PCDH7: variants seen among roughly 807,000 people sequenced by gnomAD.
PCDH7 encodes the protein protocadherin-7.
A neutral mutation model predicts 58.9 loss-of-function variants in PCDH7; 17 were observed. The observed-to-expected ratio is 0.29, with a 90% CI of 0.20 to 0.43. PCDH7 has a LOEUF of 0.43. Ranked by LOEUF, PCDH7 falls within the 20% of genes least tolerant of loss-of-function variation. The pLI, the probability that PCDH7 is intolerant of heterozygous loss-of-function variation, is 1.00. For synonymous variants in PCDH7, 664 were observed against 616.4 expected, an observed-to-expected ratio of 1.08 and a Z score of -1.14; for missense variants, 1,274 against 1,441.0, an observed-to-expected ratio of 0.88 and a Z score of 1.88.
At chr4:30,837,826 G>A (rs542519225) in intron 1 of PCDH7, among the ~76,000 whole-genome samples, 51 of 149,182 alleles carry the variant, frequency 3.4e-4, no homozygotes, top group Non-Finnish European at 6.7e-4. Flanking sequence ...ACTAAACAGA[G>A]TACATTTCTA....
At chr4:31,048,274 A>G (rs1278791489) in intron 3 of PCDH7, among the ~76,000 whole-genome samples, 1 of 152,052 alleles carries the variant, frequency 6.6e-6, no homozygotes, top group African/African-American at 2.4e-5. Context: ...GGATTTCTTT[A>G]TGGCTCTACT....
chr4:30,724,698 T>C lies in PCDH7; in HGVS notation c.3174+102T>C, dbSNP rs565281351. On this transcript the variant is annotated intron_variant, in intron 1 of 1. Transcript: ENST00000361762. The stretch of plus-strand genomic sequence containing the variant: ...TTTGTCTTCTCGTTTTTAAAGTTAT[T>C]AAAATTTTAACAGTAGGAATTTAAT... 1.8e-5 allele frequency: 26 copies of C among 1,460,410 alleles called. 1 individual carries two copies. The Middle Eastern group carries it at 7.3e-4, about 41-fold the overall frequency. 90.5% of individuals were successfully genotyped at this position (1,460,410 alleles called of 1,614,324 possible). A position where few individuals can be genotyped will look rare whatever the true frequency, so the allele number is the denominator to read the frequency against.
chr4:30,776,777 A>C (rs1292503628), intron 1 of PCDH7, among the ~76,000 whole-genome samples: 2 of 152,116 alleles, frequency 1.3e-5, no homozygotes, highest in Admixed American at 6.6e-5. Context: ...AGGAAAACCT[A>C]CAGGCTTAAC....
intron 1 of PCDH7, chr4:30,725,009 A>G (rs1289829273): frequency 4.9e-6 from 5 of 1,011,940 alleles, no homozygotes; most frequent in Non-Finnish European, 6.0e-6. Flanking sequence ...TAAAGTTACT[A>G]CTGGTGTCTA....
chr4:30,853,502 C>A (rs1170827945), intron 1 of PCDH7, among the ~76,000 whole-genome samples: 1 of 152,048 alleles, frequency 6.6e-6, no homozygotes, highest in African/African-American at 2.4e-5. Context: ...AGAAGCTAGA[C>A]ATAGTCAGTG....
At chr4:31,113,743 A>C (rs976454265) in intron 3 of PCDH7, among the ~76,000 whole-genome samples, 1 of 152,134 alleles carries the variant, frequency 6.6e-6, no homozygotes, top group Non-Finnish European at 1.5e-5. Flanking sequence ...TTGCAGTAAC[A>C]CAAAATAACT....
At chr4:31,043,399 C>A (rs957083796) in intron 3 of PCDH7, among the ~76,000 whole-genome samples, 2 of 152,126 alleles carry the variant, frequency 1.3e-5, no homozygotes, top group Admixed American at 1.3e-4. Flanking sequence ...ACACTCCCAC[C>A]AACAGTGGAA....
intron 2 of PCDH7, among the ~76,000 whole-genome samples, chr4:30,943,191 C>G (rs902778995): frequency 6.6e-6 from 1 of 151,986 alleles, no homozygotes; most frequent in African/African-American, 2.4e-5. Context: ...CCTTTTCACC[C>G]TTGTTTATAA....
At chr4:30,942,927 C>T (rs1243127406) in intron 2 of PCDH7, among the ~76,000 whole-genome samples, 2 of 148,170 alleles carry the variant, frequency 1.3e-5, no homozygotes, top group Non-Finnish European at 3.0e-5. Context: ...CTATGCTACT[C>T]TTTACACATT....
At chr4:31,131,388 C>T (rs1264238380) in intron 3 of PCDH7, among the ~76,000 whole-genome samples, 2 of 152,070 alleles carry the variant, frequency 1.3e-5, no homozygotes, top group Non-Finnish European at 2.9e-5. Context: ...CTTCCTTTTC[C>T]TTTTATTTAC....
intron 3 of PCDH7, among the ~76,000 whole-genome samples, chr4:30,971,235 T>C (rs1749555140): frequency 6.6e-6 from 1 of 152,188 alleles, no homozygotes; most frequent in Admixed American, 6.5e-5. Flanking sequence ...AAGCAGTATC[T>C]TAAGAACTAG....
rs966906668 is a variant in PCDH7, at chr4:30,981,562, C to A, written c.*7+31347C>A. Among the ~76,000 whole-genome samples, 7 of 152,020 alleles carry A rather than the reference C, an allele frequency of 4.6e-5. No homozygotes were observed. The East Asian group carries it at 1.4e-3, about 29-fold the overall frequency. ...TTGAAGCAAATATTTTATTAGAAATCAAATCAATTTTAGACAATAAAAAGC... is the reference window on the plus strand; with the variant it reads ...TTGAAGCAAATATTTTATTAGAAATAAAATCAATTTTAGACAATAAAAAGC... On this transcript the variant is annotated intron_variant, in intron 3 of 3. Transcript: ENST00000509759.
chr4:30,802,589 C>T (rs1402983489), intron 1 of PCDH7, among the ~76,000 whole-genome samples: 1 of 151,784 alleles, frequency 6.6e-6, no homozygotes, highest in Non-Finnish European at 1.5e-5. Context: ...AAAATGAGAT[C>T]CAGATGAATA....
intron 3 of PCDH7, among the ~76,000 whole-genome samples, chr4:31,137,533 G>A (rs954240828): frequency 3.3e-5 from 5 of 152,210 alleles, no homozygotes; most frequent in Non-Finnish European, 5.9e-5. Context: ...GCAATGAGCC[G>A]AGATCGTGCC....
chr4:31,115,629 A>G (rs188290780), intron 3 of PCDH7, among the ~76,000 whole-genome samples: 9 of 152,290 alleles, frequency 5.9e-5, no homozygotes, highest in Admixed American at 5.9e-4. Flanking sequence ...ATAATTATCA[A>G]TGTAATGTGA....
chr4:31,045,130 GAC>G (rs146235982), intron 3 of PCDH7, among the ~76,000 whole-genome samples: 4,784 of 152,096 alleles, frequency 0.031, 227 homozygotes, highest in African/African-American at 0.11. Context: ...GCATGGTGGT[GAC>G]ACAGAAATTA....
intron 3 of PCDH7, among the ~76,000 whole-genome samples, chr4:31,120,441 C>CTTTTTTTTTTTTTTTTTTTT (rs138878762): frequency 9.3e-6 from 1 of 107,998 alleles, no homozygotes; most frequent in Non-Finnish European, 1.9e-5. Flanking sequence ...CTATTTTTTT[C>CTTTTTTTTTTTTTTTTTTTT]TTTTTTTTTT....
At chr4:30,961,557 CA>C (rs1336751891) in intron 3 of PCDH7, among the ~76,000 whole-genome samples, 21 of 149,810 alleles carry the variant, frequency 1.4e-4, no homozygotes, top group Non-Finnish European at 2.2e-4. Flanking sequence ...ATCTCAAAAA[CA>C]AAAAACAAAA....
chr4:30,851,244 T>G (rs537029767), intron 1 of PCDH7, among the ~76,000 whole-genome samples: 102 of 152,012 alleles, frequency 6.7e-4, no homozygotes, highest in African/African-American at 2.4e-3. Context: ...ATACATTTCA[T>G]TTTTGGTATA....
Sources: gnomAD v4.1 joint callset for allele counts (sites outside exome capture counted in the v4.1 genomes callset) on GRCh38, gnomAD v4.1.1 for gene constraint, MANE v1.5 for transcripts, NCBI Gene and HGNC (gene_info 2026-07-23, HGNC 2026-07-21) for gene names.